Variants in PARD3 observed in about 807,000 individuals in gnomAD.
The protein encoded by PARD3 is partitioning defective 3 homolog.
A neutral mutation model predicts 155.4 loss-of-function variants in PARD3; 75 were observed. The ratio of observed to expected loss-of-function variants is 0.48; its 90% CI spans 0.40 to 0.58. The LOEUF is 0.58. Among genes scored for constraint, PARD3 ranks in the 20% least tolerant of loss-of-function variants. The pLI is 0.00. For synonymous variants in PARD3, 576 were observed against 610.5 expected, an observed-to-expected ratio of 0.94 and a Z score of 0.83; for missense variants, 1,642 against 1,721.7, an observed-to-expected ratio of 0.95 and a Z score of 0.82.
intron 22 of PARD3, among the ~76,000 whole-genome samples, chr10:34,235,286 C>T (rs1953156810): frequency 1.3e-5 from 2 of 152,172 alleles, no homozygotes. Context: ...ACTATAAAAG[C>T]TAATGTCAGG....
In PARD3 at chr10:34,230,668, T is replaced by C. The variant is rs141420845; in HGVS notation, c.3419+38989A>G. 2.0e-5 allele frequency among the ~76,000 whole-genome samples: 3 copies of C among 152,214 alleles called. No homozygotes were observed. In the East Asian group the frequency reaches 5.8e-4, roughly 29 times the overall value. On this transcript the variant is annotated intron_variant, in intron 22 of 24. Coordinates refer to ENST00000374788, the MANE Select transcript of PARD3 (RefSeq NM_001184785.2). ...AGGAAAGCTAGAAACTCTTTTTCTCTCTATTCTAAAATAACAAGTTTGGAG... is the reference window on the plus strand; with the variant it reads ...AGGAAAGCTAGAAACTCTTTTTCTCCCTATTCTAAAATAACAAGTTTGGAG...
At chr10:34,503,590 C>A (rs1324901534) in intron 3 of PARD3, among the ~76,000 whole-genome samples, 1 of 152,100 alleles carries the variant, frequency 6.6e-6, no homozygotes, top group East Asian at 1.9e-4. Context: ...CAAAGTACTA[C>A]TAAAAAGACA....
chr10:34,295,017 C>G (rs1956842390), intron 20 of PARD3, among the ~76,000 whole-genome samples: 1 of 152,056 alleles, frequency 6.6e-6, no homozygotes, highest in Admixed American at 6.6e-5. Flanking sequence ...GCATGGGCAA[C>G]ATAGTGACAC....
intron 3 of PARD3, among the ~76,000 whole-genome samples, chr10:34,495,379 C>A (rs978898068): frequency 6.6e-6 from 1 of 152,136 alleles, no homozygotes; most frequent in Admixed American, 6.5e-5. Context: ...AAAGGAAAAT[C>A]TGAATTGGCA....
At chr10:34,162,914 T>A (rs994008403) in intron 22 of PARD3, among the ~76,000 whole-genome samples, 4 of 152,138 alleles carry the variant, frequency 2.6e-5, no homozygotes, top group Non-Finnish European at 4.4e-5. Flanking sequence ...CCCAGATAGA[T>A]GCCACCACCA....
chr10:34,667,010 A>T (rs560653152), intron 2 of PARD3, among the ~76,000 whole-genome samples: 2 of 151,730 alleles, frequency 1.3e-5, no homozygotes, highest in East Asian at 3.9e-4. Flanking sequence ...CTCTACTAGA[A>T]ATACAAAAAT....
intron 22 of PARD3, among the ~76,000 whole-genome samples, chr10:34,179,560 A>C (rs1950181314): frequency 6.6e-6 from 1 of 152,254 alleles, no homozygotes; most frequent in Non-Finnish European, 1.5e-5. Flanking sequence ...AGATAAATAA[A>C]TGTCCCTTCG....
chr10:34,516,924 T>C (rs2081809651), intron 3 of PARD3, 55 bp downstream of exon 3: 1 of 1,512,060 alleles, frequency 6.6e-7, no homozygotes, highest in African/African-American at 1.4e-5. Context: ...ATAACAAAAG[T>C]TGGTATTCCT....
chr10:34,577,069 T>C (rs1250856515), intron 2 of PARD3, among the ~76,000 whole-genome samples: 1 of 152,314 alleles, frequency 6.6e-6, no homozygotes, highest in East Asian at 1.9e-4. Context: ...GGGTTTGAAC[T>C]GCAGGCTGAT....
At chr10:34,498,670 G>A (rs890336684) in intron 3 of PARD3, among the ~76,000 whole-genome samples, 1 of 152,106 alleles carries the variant, frequency 6.6e-6, no homozygotes, top group African/African-American at 2.4e-5. Context: ...CCAGCTACCT[G>A]AGAAGCTGAG....
intron 22 of PARD3, among the ~76,000 whole-genome samples, chr10:34,165,323 C>T (rs917030244): frequency 3.3e-5 from 5 of 152,182 alleles, no homozygotes; most frequent in Non-Finnish European, 1.5e-5. Flanking sequence ...TCTTCACTTC[C>T]CTTTTGAATG....
At chr10:34,301,893 ATGTC>A (rs1246744622) in intron 20 of PARD3, among the ~76,000 whole-genome samples, 3 of 144,028 alleles carry the variant, frequency 2.1e-5, no homozygotes, top group African/African-American at 7.8e-5. Context: ...ATACATCTAT[ATGTC>A]TCTGTCCCTA....
chr10:34,263,621 A>G (rs1371782299), intron 22 of PARD3, among the ~76,000 whole-genome samples: 1 of 152,172 alleles, frequency 6.6e-6, no homozygotes, highest in Non-Finnish European at 1.5e-5. Flanking sequence ...ATCATACACC[A>G]GCCTAGGTGA....
intron 22 of PARD3, among the ~76,000 whole-genome samples, chr10:34,235,064 G>C (rs1953144908): frequency 6.6e-6 from 1 of 152,148 alleles, no homozygotes; most frequent in South Asian, 2.1e-4. Context: ...GGAACTCCAT[G>C]AATCTGACAG....
chr10:34,690,180 G>A (rs531137980), intron 2 of PARD3, among the ~76,000 whole-genome samples: 1 of 152,286 alleles, frequency 6.6e-6, no homozygotes, highest in South Asian at 2.1e-4. Flanking sequence ...CTGACCTCAA[G>A]TGATCTGCCC....
intron 22 of PARD3, among the ~76,000 whole-genome samples, chr10:34,209,347 GCTATTAAATA>G (rs1951630684): frequency 6.6e-6 from 1 of 152,178 alleles, no homozygotes. Flanking sequence ...TTAATGTCAT[GCTATTAAATA>G]TTCTCGACAT....
At chr10:34,715,653 G>A (rs1299074881) in intron 1 of PARD3, among the ~76,000 whole-genome samples, 2 of 152,178 alleles carry the variant, frequency 1.3e-5, no homozygotes, top group Non-Finnish European at 2.9e-5. Context: ...ATGACGTCTT[G>A]AAGATGTGCA....
At chr10:34,732,157 G>A (rs933954742) in intron 1 of PARD3, among the ~76,000 whole-genome samples, 2 of 151,904 alleles carry the variant, frequency 1.3e-5, no homozygotes, top group Non-Finnish European at 2.9e-5. Flanking sequence ...ACCTGAGAAC[G>A]CTTATTGAAA....
At chr10:34,617,130 C>A (rs2091310997) in intron 2 of PARD3, among the ~76,000 whole-genome samples, 1 of 151,568 alleles carries the variant, frequency 6.6e-6, no homozygotes, top group Admixed American at 6.6e-5. Flanking sequence ...TGGCAGACAC[C>A]TGTAATCCCA....
Sources: gnomAD v4.1 joint callset for allele counts (sites outside exome capture counted in the v4.1 genomes callset) on GRCh38, gnomAD v4.1.1 for gene constraint, MANE v1.5 for transcripts, NCBI Gene and HGNC (gene_info 2026-07-23, HGNC 2026-07-21) for gene names.